Variants in FIRRM observed in about 807,000 individuals in gnomAD.
The protein encoded by FIRRM is FIGNL1-interacting regulator of recombination and mitosis.
At chr1:169,824,267 T>C in the FIRRM span, among the ~76,000 whole-genome samples, 1 of 152,230 alleles carries the variant, frequency 6.6e-6, no homozygotes, top group Non-Finnish European at 1.5e-5. Flanking sequence ...GAGTGAACTG[T>C]GCCCCTAAGA....
the FIRRM span, chr1:169,851,879 T>C: frequency 6.2e-7 from 1 of 1,614,040 alleles, no homozygotes. Context: ...AAAAAGGTAT[T>C]TTCTGGGAAC....
the FIRRM span, chr1:169,802,767 AAAG>A: frequency 8.2e-7 from 1 of 1,223,986 alleles, no homozygotes; most frequent in East Asian, 2.3e-5. Context: ...GAGGGAGCTT[AAAG>A]AATGTCAAAA....
At chr1:169,832,352 CTTCTT>C in the FIRRM span, 1,507 of 1,130,192 alleles carry the variant, frequency 1.3e-3, 13 homozygotes, top group African/African-American at 0.014. Context: ...GGCATATTCT[CTTCTT>C]GTAAAAATTC....
chr1:169,827,284 AT>A, the FIRRM span: 1 of 1,145,208 alleles, frequency 8.7e-7, no homozygotes, highest in Non-Finnish European at 1.2e-6. Context: ...CTTTTTTACA[AT>A]TAAGAAATTT....
the FIRRM span, chr1:169,802,477 G>A: frequency 7.4e-3 from 3,835 of 521,548 alleles, 41 homozygotes; most frequent in African/African-American, 0.02. Context: ...GCTTAATTAG[G>A]TACAATTGTT....
At chr1:169,798,623 TTA>T in the FIRRM span, among the ~76,000 whole-genome samples, 1 of 152,140 alleles carries the variant, frequency 6.6e-6, no homozygotes, top group Non-Finnish European at 1.5e-5. Context: ...AACCTGTGGA[TTA>T]TTGTAGCATT....
the FIRRM span, chr1:169,795,046 A>C: frequency 7.2e-7 from 1 of 1,385,352 alleles, no homozygotes; most frequent in Non-Finnish European, 9.9e-7. Flanking sequence ...CGGGACTGCG[A>C]GTTTCCGGTC....
At chr1:169,850,668 C>T in the FIRRM span, 11 of 194,070 alleles carry the variant, frequency 5.7e-5, no homozygotes, top group Admixed American at 2.7e-4. Context: ...TGGTGGTACG[C>T]GCCTGCAGTC....
chr1:169,812,728 G>A, the FIRRM span, among the ~76,000 whole-genome samples: 433 of 151,920 alleles, frequency 2.9e-3, 3 homozygotes, highest in African/African-American at 9.8e-3. Flanking sequence ...GTGATGGTGC[G>A]CACCTGTAAT....
the FIRRM span, among the ~76,000 whole-genome samples, chr1:169,847,313 TAAAAAAAAAAAAAAA>T: frequency 1.2e-5 from 1 of 86,336 alleles, no homozygotes; most frequent in Non-Finnish European, 2.2e-5. Flanking sequence ...CTTATATTTC[TAAAAAAAAAAAAAAA>T]AAAAAAAAAA....
chr1:169,826,843 A>T, the FIRRM span, among the ~76,000 whole-genome samples: 1 of 151,234 alleles, frequency 6.6e-6, no homozygotes, highest in Non-Finnish European at 1.5e-5. Flanking sequence ...CATTTTATAG[A>T]ATTATGGCTA....
chr1:169,845,862 G>A, the FIRRM span, among the ~76,000 whole-genome samples: 3 of 152,130 alleles, frequency 2.0e-5, no homozygotes, highest in African/African-American at 4.8e-5. Flanking sequence ...TTGATATTTT[G>A]ACCTCCTCCA....
the FIRRM span, chr1:169,795,226 G>C: frequency 6.5e-6 from 10 of 1,534,532 alleles, no homozygotes; most frequent in Admixed American, 2.0e-5. Context: ...ATCCTTCCTT[G>C]GTTGTCACTT....
At chr1:169,787,215 A>C in the FIRRM span, among the ~76,000 whole-genome samples, 2 of 152,146 alleles carry the variant, frequency 1.3e-5, no homozygotes, top group Admixed American at 6.5e-5. Flanking sequence ...GGAGGCTCAC[A>C]CAGGAATACT....
the FIRRM span, among the ~76,000 whole-genome samples, chr1:169,847,986 C>G: frequency 3.6e-4 from 55 of 151,596 alleles, no homozygotes; most frequent in African/African-American, 1.1e-3. Flanking sequence ...ATTTTAAGTT[C>G]TTTTCTTTTA....
chr1:169,849,907 A>G, the FIRRM span: 1 of 465,868 alleles, frequency 2.1e-6, no homozygotes, highest in Non-Finnish European at 3.9e-6. Context: ...AAATGATAAT[A>G]CATTTCATTT....
chr1:169,796,282 C>T, the FIRRM span, among the ~76,000 whole-genome samples: 1 of 152,238 alleles, frequency 6.6e-6, no homozygotes, highest in African/African-American at 2.4e-5. Context: ...AAACTGCGTG[C>T]ATAATGTGTG....
the FIRRM span, chr1:169,853,110 T>C: frequency 1.1e-6 from 1 of 911,962 alleles, no homozygotes; most frequent in Non-Finnish European, 1.7e-6. Flanking sequence ...TAATCTTTAT[T>C]TGACATTTAG....
chr1:169,808,020 T>C, the FIRRM span: 1 of 1,225,948 alleles, frequency 8.2e-7, no homozygotes, highest in Non-Finnish European at 1.1e-6. Flanking sequence ...TCAGTCTATT[T>C]AAGAGGATTT....
Sources: allele counts gnomAD v4.1 joint callset (sites outside exome capture counted in the v4.1 genomes callset), GRCh38; gene constraint gnomAD v4.1.1; transcripts MANE v1.5; gene names NCBI Gene and HGNC (gene_info 2026-07-23, HGNC 2026-07-21).